Variants in UIMC1 observed in about 807,000 individuals in gnomAD.
UIMC1 encodes ubiquitin interaction motif containing 1, also known as BRCA1-A complex subunit RAP80.
A neutral mutation model predicts 84.9 loss-of-function variants in UIMC1; 42 were observed. The observed-to-expected ratio is 0.49, with a 90% confidence interval of 0.39 to 0.64. UIMC1 has a LOEUF of 0.64. Ranked by LOEUF, UIMC1 falls within the 30% of genes least tolerant of loss-of-function variation. The pLI, the probability that UIMC1 is intolerant of heterozygous loss-of-function variation, is 0.00. For synonymous variants in UIMC1, 281 were observed against 293.0 expected (o/e 0.96, Z 0.42); for missense variants, 825 against 847.6 (o/e 0.97, Z 0.33).
chr5:177,004,920 G>A (rs1165853056), intron 1 of UIMC1, among the ~76,000 whole-genome samples: 1 of 151,988 alleles, frequency 6.6e-6, no homozygotes, highest in East Asian at 1.9e-4. Context: ...TTCTTTATTT[G>A]GAGACAAGGT....
rs980634153 is a variant in UIMC1, at chr5:176,975,393, T to C, written c.232+3A>G. The C allele has an allele frequency of 6.2e-7, 1 of 1,613,536 alleles. No individual in the cohort carries two copies. The highest frequency in any genetic ancestry group is 1.3e-5 in the African/African-American group (1 of 74,890). ...AACCATTATCAACAAAATGAAAACA[T>C]ACGTGCGATTTTTCTTTTGGCCAAA... On this transcript the variant is annotated splice_donor_region_variant and intron_variant, in intron 3 of 14. Transcript: ENST00000511320.
At chr5:176,948,616 A>C (rs1765431456) in intron 9 of UIMC1, among the ~76,000 whole-genome samples, 1 of 152,228 alleles carries the variant, frequency 6.6e-6, no homozygotes, top group Non-Finnish European at 1.5e-5. Flanking sequence ...GAACCCTCTG[A>C]GTGCAGGGAC....
At chr5:177,000,715 G>A (rs959098258) in intron 1 of UIMC1, among the ~76,000 whole-genome samples, 2 of 151,542 alleles carry the variant, frequency 1.3e-5, no homozygotes, top group East Asian at 1.9e-4. Flanking sequence ...GGTCAGGCTG[G>A]TCTCGAACTC....
At chr5:176,940,821 C>A (rs186559869) in intron 10 of UIMC1, among the ~76,000 whole-genome samples, 25 of 152,288 alleles carry the variant, frequency 1.6e-4, no homozygotes, top group Admixed American at 1.6e-3. Context: ...GTGCTAGGTA[C>A]CGTGTTAAGT....
At chr5:177,011,403 G>A (rs1400949532), upstream of UIMC1, among the ~76,000 whole-genome samples, 5 of 151,846 alleles carry the variant, frequency 3.3e-5, no homozygotes, top group African/African-American at 1.2e-4. Flanking sequence ...GCAACATAGT[G>A]AGACTACATC....
rs373167392 is a variant in UIMC1 at position 176,952,060 on chromosome 5, G to A, written c.1340-483C>T. 1.4e-4 allele frequency among the ~76,000 whole-genome samples: 21 copies of A among 152,242 alleles called. No homozygotes were observed. In the East Asian group the frequency reaches 2.1e-3, roughly 15 times the overall value. On this transcript the variant is annotated intron_variant, in intron 8 of 14. Coordinates refer to ENST00000511320, the MANE Select transcript of UIMC1 (RefSeq NM_001199298.2). ...AATGTGTCTGAGATGGACCCATGTCGTCACATAATATCAATAGTTCATACT... is the reference window on the plus strand; with the variant it reads ...AATGTGTCTGAGATGGACCCATGTCATCACATAATATCAATAGTTCATACT...
chr5:176,996,720 G>C (rs963332706), intron 1 of UIMC1, among the ~76,000 whole-genome samples: 1 of 152,146 alleles, frequency 6.6e-6, no homozygotes, highest in Non-Finnish European at 1.5e-5. Flanking sequence ...AGTTTAACCA[G>C]GGAAGGACAG....
At chr5:176,965,850 C>T (rs1384164288) in intron 6 of UIMC1, among the ~76,000 whole-genome samples, 2 of 152,214 alleles carry the variant, frequency 1.3e-5, no homozygotes, top group Non-Finnish European at 1.5e-5. Flanking sequence ...ATGTAGAGCT[C>T]TGGCCCCTGG....
chr5:176,985,776 A>C (rs1197804847), intron 1 of UIMC1, among the ~76,000 whole-genome samples: 2 of 152,044 alleles, frequency 1.3e-5, no homozygotes, highest in South Asian at 2.1e-4. Flanking sequence ...GGCTAATTTA[A>C]TTTACTTTTT....
intron 7 of UIMC1, 76 bp downstream of exon 7, chr5:176,958,017 G>A: frequency 6.9e-7 from 1 of 1,438,946 alleles, no homozygotes. Flanking sequence ...TCCACGTACA[G>A]TCTCACTCAT....
chr5:176,938,268 A>G (rs1763960503), intron 10 of UIMC1, among the ~76,000 whole-genome samples: 2 of 151,870 alleles, frequency 1.3e-5, no homozygotes, highest in East Asian at 1.9e-4. Flanking sequence ...TCCTTTTACA[A>G]AAGATTTTAA....
chr5:176,927,219 A>C (rs1399596802), intron 10 of UIMC1, among the ~76,000 whole-genome samples: 1 of 139,360 alleles, frequency 7.2e-6, no homozygotes, highest in Non-Finnish European at 1.6e-5. Context: ...AAAAAAAAAA[A>C]AAAAAAGCAC....
intron 3 of UIMC1, 106 bp downstream of exon 3, chr5:176,975,290 G>C (rs1769884268): frequency 9.3e-7 from 1 of 1,079,212 alleles, no homozygotes; most frequent in South Asian, 1.6e-5. Context: ...AACTTTTCTT[G>C]AATCTATCAG....
At chr5:176,961,889 A>G (rs1767501847) in intron 6 of UIMC1, among the ~76,000 whole-genome samples, 1 of 53,620 alleles carries the variant, frequency 1.9e-5, no homozygotes, top group Non-Finnish European at 3.7e-5. Context: ...TCCGGGAGGG[A>G]GGTGGGGGGA....
rs1256717729 is a variant in UIMC1 at position 176,970,808 on chromosome 5, C to T, written c.291G>A (p.Arg97=). 1 of 1,614,088 alleles carries T rather than the reference C, an allele frequency of 6.2e-7. No homozygotes were observed. The highest frequency in any genetic ancestry group is 8.5e-7 in the Non-Finnish European group (1 of 1,180,040). The change falls in exon 4 of 15, where the codon AGG becomes AGA. Residue 97 remains arginine (R), a synonymous_variant. Transcript: ENST00000511320. ...CTTCCTCCTCCTGGCTGTTCACCTC[C>T]CTAGCTTCCTGCTCACTCATTTTGA... ...LALKMSEQEA[R]EVNSQEEEEE... is the part of the protein sequence containing the mutation.
At chr5:176,937,356 G>A (rs1281454360) in intron 10 of UIMC1, among the ~76,000 whole-genome samples, 4 of 152,106 alleles carry the variant, frequency 2.6e-5, no homozygotes, top group South Asian at 2.1e-4. Flanking sequence ...TTAGCCGAGC[G>A]TGGTAGCAGG....
At chr5:176,954,324 A>G (rs1766300369) in intron 8 of UIMC1, among the ~76,000 whole-genome samples, 1 of 152,202 alleles carries the variant, frequency 6.6e-6, no homozygotes, top group African/African-American at 2.4e-5. Context: ...CAAAGGTAGC[A>G]CAGTATTCTT....
At chr5:176,947,589 C>A (rs984409319) in intron 9 of UIMC1, among the ~76,000 whole-genome samples, 4 of 152,050 alleles carry the variant, frequency 2.6e-5, no homozygotes, top group African/African-American at 9.7e-5. Flanking sequence ...GAGGCCAAGG[C>A]GGGTGGATCA....
In UIMC1 at chr5:176,950,156, G is replaced by A. The variant is rs191503552; in HGVS notation, c.1443+1318C>T. On this transcript the variant is annotated intron_variant, in intron 9 of 14. Transcript: ENST00000511320. ...TGCTCTGTTGCCAGGCTGGAGTGCA[G>A]TGGCGCGATCTCAGCTCACTGCAAC... 2.8e-3 allele frequency among the ~76,000 whole-genome samples: 391 copies of A among 140,038 alleles called. 1 individual carries two copies. The highest frequency in any genetic ancestry group is 0.01 in the African/African-American group (376 of 36,482). 91.9% of individuals were successfully genotyped at this position (140,038 alleles called of 152,430 possible). A position where few individuals can be genotyped will look rare whatever the true frequency, so the allele number is the denominator to read the frequency against.
Sources: gnomAD v4.1 joint callset for allele counts (sites outside exome capture counted in the v4.1 genomes callset) on GRCh38, gnomAD v4.1.1 for gene constraint, MANE v1.5 for transcripts, NCBI Gene and HGNC (gene_info 2026-07-23, HGNC 2026-07-21) for gene names.